Variants in ZDHHC4 observed in about 807,000 individuals in gnomAD.
The protein encoded by ZDHHC4 is zDHHC palmitoyltransferase 4.
A neutral mutation model predicts 36.7 loss-of-function variants in ZDHHC4; 42 were observed. The observed-to-expected ratio is 1.14, with a 90% CI of 0.89 to 1.48. The LOEUF (loss-of-function observed/expected upper bound fraction) is 1.48, where lower values mean the gene tolerates loss of function less well. ZDHHC4 is among the 40% of genes most tolerant of loss of function. ZDHHC4 has a pLI of 0.00. For synonymous variants in ZDHHC4, 189 were observed against 166.6 expected, an observed-to-expected ratio of 1.13 and a Z score of -1.03; for missense variants, 457 against 421.5, an observed-to-expected ratio of 1.08 and a Z score of -0.74.
chr7:6,580,933 T>C, intron 3 of ZDHHC4: 1 of 473,424 alleles, frequency 2.1e-6, no homozygotes, highest in Non-Finnish European at 3.8e-6. Context: ...ACAAAAAAGA[T>C]GCCACTTAAC....
chr7:6,582,462 T>C, intron 5 of ZDHHC4: 1 of 554,528 alleles, frequency 1.8e-6, no homozygotes, highest in Non-Finnish European at 3.2e-6. Flanking sequence ...AGTTTATCTT[T>C]TTAATGCTTT....
intron 7 of ZDHHC4, among the ~76,000 whole-genome samples, chr7:6,587,833 A>T (rs1781342315): frequency 6.6e-6 from 1 of 152,238 alleles, no homozygotes. Context: ...CAGCCTGGGC[A>T]ACATAGCAAG....
At chr7:6,580,404 C>T (rs192501675) in intron 2 of ZDHHC4, among the ~76,000 whole-genome samples, 151 bp from the exon 3 acceptor site, 39 of 152,230 alleles carry the variant, frequency 2.6e-4, no homozygotes, top group Non-Finnish European at 3.4e-4. Context: ...GAATTCTGTT[C>T]TGTTTGTCTT....
At chr7:6,587,731 G>C (rs146531881) in intron 7 of ZDHHC4, among the ~76,000 whole-genome samples, 108 of 152,224 alleles carry the variant, frequency 7.1e-4, no homozygotes, top group African/African-American at 2.5e-3. Context: ...CATTTAACTT[G>C]TTTCTTGGCC....
chr7:6,580,936 C>T (rs1451969239), intron 3 of ZDHHC4: 4 of 464,620 alleles, frequency 8.6e-6, no homozygotes, highest in African/African-American at 7.8e-5. Context: ...AAAAAGATGC[C>T]ACTTAACATC....
chr7:6,582,353 T>C lies in ZDHHC4; in HGVS notation c.370+102T>C, dbSNP rs191678849. On this transcript the variant is annotated intron_variant, in intron 5 of 7. Coordinates refer to ENST00000335965, the MANE Select transcript of ZDHHC4 (RefSeq NM_001134389.2). ...CCCCCCTGAGGACTTTGTAAAAGAT[T>C]TGATGTGTAGCATTTTCATTACCTT... 216 of 1,100,262 alleles carry C rather than the reference T, an allele frequency of 2.0e-4. No individual in the cohort carries two copies. The African/African-American group carries it at 3.1e-3, about 16-fold the overall frequency. 68.2% of individuals were successfully genotyped at this position (1,100,262 alleles called of 1,614,324 possible).
Position 6,585,317 on chromosome 7 carries a change from T to C in ZDHHC4, c.741+57T>C, listed in dbSNP as rs1781166723. 5 of 1,586,108 alleles carry C rather than the reference T, an allele frequency of 3.2e-6. No individual in the cohort carries two copies. The Admixed American group carries it at 5.2e-5, about 17-fold the overall frequency. On this transcript the variant is annotated intron_variant, in intron 7 of 7. Transcript: ENST00000335965. The stretch of plus-strand genomic sequence containing the variant: ...TTCAGAATCGCAAAAAAGACATTTA[T>C]TTTTCCAGTAAAAGCATGAAGTTAG...
In ZDHHC4 at chr7:6,583,416, C is replaced by T. The variant is rs569328826; in HGVS notation, c.481C>T (p.Arg161Ter). The part of the protein sequence containing the change: ...CSTCDLRKPA[R>*]SKHCSVCNWC... ...TACTTGTGATTTAAGGAAACCAGCT[C>T]GATCCAAGCACTGCAGTGAGTGTGG... is the stretch of plus-strand genomic sequence containing the variant. The change falls in exon 6 of 8, where the codon CGA becomes TGA. Residue 161 changes from arginine (R) to a stop codon, truncating the protein, a stop_gained. Coordinates refer to ENST00000335965, the MANE Select transcript of ZDHHC4 (RefSeq NM_001134389.2). LOFTEE classifies it high-confidence loss of function. 9 of 1,613,018 alleles carry T rather than the reference C, an allele frequency of 5.6e-6. No individual in the cohort carries two copies. Among genetic ancestry groups the T allele is most frequent in the African/African-American group, 4.0e-5 (3 of 75,018 alleles).
At chr7:6,586,745 G>C (rs1038269764) in intron 7 of ZDHHC4, among the ~76,000 whole-genome samples, 2 of 152,120 alleles carry the variant, frequency 1.3e-5, no homozygotes, top group African/African-American at 4.8e-5. Context: ...CAAAGTGCTG[G>C]GATTACAGGC....
At chr7:6,583,624 G>A (rs1781024059) in intron 6 of ZDHHC4, 193 bp downstream of exon 6, 1 of 687,358 alleles carries the variant, frequency 1.5e-6, no homozygotes. Flanking sequence ...CTGTGTAGTA[G>A]ACAGTCCTCA....
In ZDHHC4 at chr7:6,582,166, G is replaced by T. The variant is rs1279102478; in HGVS notation, c.285G>T (p.Glu95Asp). Residue 95 changes from glutamate to aspartate, a missense_variant, in exon 5 of 8, where the codon GAG (glutamate) becomes GAT (aspartate). Coordinates refer to ENST00000335965, the MANE Select transcript of ZDHHC4 (RefSeq NM_001134389.2). ...TATTTGGCTACTGTCAGGAGCTGGA[G>T]TTGTCCTTGCATTACCTTCTTCTGC... ...WEVFGYCQEL[E>D]LSLHYLLLPY... 6.2e-7 allele frequency: 1 copy of T among 1,614,188 alleles called. No homozygotes were observed. The highest frequency in any genetic ancestry group is 1.1e-5 in the South Asian group (1 of 91,086).
Position 6,588,390 on chromosome 7 carries a change from C to T in ZDHHC4, c.742-227C>T, listed in dbSNP as rs74814012. On this transcript the variant is annotated intron_variant, in intron 7 of 7. Coordinates refer to ENST00000335965, the MANE Select transcript of ZDHHC4 (RefSeq NM_001134389.2). The stretch of plus-strand genomic sequence containing the variant: ...TTTCCTAAGTAAACTTTCCCTTTTC[C>T]TTCAGTGTGAACACTTCATTCATCC... Among the ~76,000 whole-genome samples, 1,384 of 152,276 alleles carry T rather than the reference C, an allele frequency of 9.1e-3. 13 individuals are homozygous for T. The highest frequency in any genetic ancestry group is 0.02 in the African/African-American group (846 of 41,548).
At chr7:6,581,038 G>A (rs1220570927) in intron 3 of ZDHHC4, 2 of 280,368 alleles carry the variant, frequency 7.1e-6, no homozygotes, top group East Asian at 8.8e-5. Context: ...GTCCTCTTGC[G>A]GTGGTGCTTT....
intron 2 of ZDHHC4, 167 bp downstream of exon 2, chr7:6,578,887 T>C (rs979735246): frequency 2.6e-5 from 4 of 152,214 alleles, no homozygotes; most frequent in Admixed American, 1.3e-4. Flanking sequence ...TTTTGGTTTG[T>C]TTTTGAGACA....
chr7:6,582,520 C>G (rs1007006896), intron 5 of ZDHHC4, among the ~76,000 whole-genome samples: 1 of 152,006 alleles, frequency 6.6e-6, no homozygotes, highest in African/African-American at 2.4e-5. Flanking sequence ...TGGTACTGTT[C>G]CTTTTTTTGT....
chr7:6,585,186 T>G lies in ZDHHC4; in HGVS notation c.667T>G (p.Ser223Ala). Residue 223 changes from serine to alanine, a missense_variant, in exon 7 of 8, where the codon TCA becomes GCA. Ser to Ala is a moderately conservative substitution (Grantham distance 99, BLOSUM62 1). Transcript: ENST00000335965. ...TTTTCTGGTCCACTTGGTGGTGATG[T>G]CAGATTTATACCAGGAGACTTACAT... ...TTFLVHLVVM[S>A]DLYQETYIDD... is the part of the protein sequence containing the mutation. 1 of 1,614,168 alleles carries G rather than the reference T, an allele frequency of 6.2e-7. No individual in the cohort carries two copies.
chr7:6,587,928 C>A (rs1205994627), intron 7 of ZDHHC4, among the ~76,000 whole-genome samples: 2 of 152,296 alleles, frequency 1.3e-5, no homozygotes, highest in African/African-American at 4.8e-5. Flanking sequence ...TGCAGTTGCA[C>A]AATCTCAGCT....
chr7:6,579,629 C>T lies in ZDHHC4; in HGVS notation c.-8+909C>T, dbSNP rs575482965. Among the ~76,000 whole-genome samples the T allele has an allele frequency of 2.2e-4, 34 of 152,278 alleles. 2 individuals carry two copies. The East Asian group carries it at 6.4e-3, about 29-fold the overall frequency. Reference sequence around the variant, plus strand: ...GATGCCTGATTCTGGGTGCAGGGCTCCTGACTGCCTCTAGGAGATGCTTGT... The same window carrying T: ...GATGCCTGATTCTGGGTGCAGGGCTTCTGACTGCCTCTAGGAGATGCTTGT... On this transcript the variant is annotated intron_variant, in intron 2 of 7. Coordinates refer to ENST00000335965, the MANE Select transcript of ZDHHC4 (RefSeq NM_001134389.2).
Position 6,579,227 on chromosome 7 carries a change from G to T in ZDHHC4, c.-8+507G>T, listed in dbSNP as rs180833797. On this transcript the variant is annotated intron_variant, in intron 2 of 7. Coordinates refer to ENST00000335965, the MANE Select transcript of ZDHHC4 (RefSeq NM_001134389.2). ...TTTCTTTTTTTTTTTTTGAAACGGA[G>T]TCTCGCTCTGTTGCCCAGGCTGGAG... Among the ~76,000 whole-genome samples the T allele has an allele frequency of 2.0e-5, 3 of 148,942 alleles. No individual in the cohort carries two copies. In the East Asian group the frequency reaches 5.9e-4, roughly 29 times the overall value.
Sources: allele counts gnomAD v4.1 joint callset (sites outside exome capture counted in the v4.1 genomes callset), GRCh38; gene constraint gnomAD v4.1.1; transcripts MANE v1.5; gene names NCBI Gene and HGNC (gene_info 2026-07-23, HGNC 2026-07-21).